Variants in HDX observed in about 807,000 individuals in gnomAD.
The protein encoded by HDX is highly divergent homeobox, also known as chromosome X open reading frame 43.
HDX carries 19 observed loss-of-function variants against 45.2 expected under a neutral mutation model. That is an observed-to-expected ratio of 0.42 (90% CI 0.29 to 0.62). The LOEUF (loss-of-function observed/expected upper bound fraction) is 0.62. Among genes scored for constraint, HDX ranks in the 20% least tolerant of loss-of-function variants. The probability of loss-of-function intolerance (pLI) is 0.20; values close to 1 mark genes in which losing one functional copy is unlikely to be tolerated. For missense variants in HDX, 532 were observed against 493.9 expected (o/e 1.08, Z -0.73); for synonymous variants, 188 against 172.8 (o/e 1.09, Z -0.69).
intron 5 of HDX, among the ~76,000 whole-genome samples, chrX:84,429,520 G>T (rs1212268656): frequency 2.7e-5 from 3 of 110,350 alleles, no homozygotes; most frequent in African/African-American, 9.8e-5. Flanking sequence ...TGTATTGAAC[G>T]TGTATCCTGT....
At chrX:84,432,743 T>C (rs752784239) in intron 5 of HDX, among the ~76,000 whole-genome samples, 215 of 111,477 alleles carry the variant, frequency 1.9e-3, no homozygotes, top group Non-Finnish European at 2.8e-3. Context: ...TGGGGTTCTT[T>C]AGGTATAGAA....
In HDX at chrX:84,320,666, A is replaced by G. The variant is rs903650751; in HGVS notation, c.*1223T>C. On this transcript the variant is annotated 3_prime_UTR_variant, in exon 11 of 11. Coordinates refer to ENST00000373177, the MANE Select transcript of HDX (RefSeq NM_001177479.2). ...CACAATTGCACACTGCCAAGTCACA[A>G]ATATATGACACTGTGGGCTTAGGGA... 17 of 110,900 alleles carry G rather than the reference A, an allele frequency of 1.5e-4. No individual in the cohort carries two copies. Among genetic ancestry groups the G allele is most frequent in the African/African-American group, 5.5e-4 (17 of 30,720 alleles). 9.1% of individuals were successfully genotyped at this position (110,900 alleles called of 1,213,427 possible). A position where few individuals can be genotyped will look rare whatever the true frequency, so the allele number is the denominator to read the frequency against.
At chrX:84,357,835 T>A (rs2037523376) in intron 6 of HDX, among the ~76,000 whole-genome samples, 1 of 112,434 alleles carries the variant, frequency 8.9e-6, no homozygotes, top group Admixed American at 9.4e-5. Flanking sequence ...ATGTGACTAA[T>A]CTTTAGCCAA....
chrX:84,407,285 C>A (rs770603921), intron 5 of HDX, among the ~76,000 whole-genome samples: 83 of 111,418 alleles, frequency 7.4e-4, no homozygotes, highest in Non-Finnish European at 1.3e-3. Context: ...GTATTAAGCT[C>A]CAATTTATAA....
chrX:84,467,653 AAAGAT>A (rs1249185525), intron 4 of HDX, among the ~76,000 whole-genome samples: 3 of 109,553 alleles, frequency 2.7e-5, no homozygotes, highest in Admixed American at 9.8e-5. Flanking sequence ...AAAGAAAAGA[AAAGAT>A]AAGAAGTTCT....
intron 6 of HDX, among the ~76,000 whole-genome samples, chrX:84,356,118 C>T (rs954336338): frequency 9.0e-6 from 1 of 110,554 alleles, no homozygotes; most frequent in Admixed American, 9.6e-5. Context: ...CAAATTATAC[C>T]GTAAGTAATG....
chrX:84,411,334 T>C (rs1436466580), intron 5 of HDX, among the ~76,000 whole-genome samples: 1 of 111,710 alleles, frequency 9.0e-6, no homozygotes, highest in Non-Finnish European at 1.9e-5. Context: ...GCTTTAGCTG[T>C]GACCCAGGAA....
chrX:84,420,113 TA>T (rs780082899), intron 5 of HDX, among the ~76,000 whole-genome samples: 1 of 111,727 alleles, frequency 9.0e-6, no homozygotes, highest in South Asian at 3.7e-4. Context: ...CATCTTTCAA[TA>T]CCACCCAGGA....
At chrX:84,490,612 A>T (rs1357268766) in intron 1 of HDX, among the ~76,000 whole-genome samples, 1 of 110,677 alleles carries the variant, frequency 9.0e-6, no homozygotes, top group Non-Finnish European at 1.9e-5. Flanking sequence ...CGGTGTGATG[A>T]TTTCCTTTAA....
chrX:84,396,651 A>C (rs1341242946), intron 5 of HDX, among the ~76,000 whole-genome samples: 1 of 111,877 alleles, frequency 8.9e-6, no homozygotes, highest in East Asian at 2.8e-4. Flanking sequence ...TGAGCAGTAA[A>C]TGCTAGTGTT....
At chrX:84,407,255 C>G (rs1012354954) in intron 5 of HDX, among the ~76,000 whole-genome samples, 2 of 111,133 alleles carry the variant, frequency 1.8e-5, no homozygotes, top group Non-Finnish European at 3.8e-5. Context: ...TGTTCCCTTT[C>G]ATGTGTCCAT....
chrX:84,417,482 C>T (rs780304321), intron 5 of HDX, among the ~76,000 whole-genome samples: 19 of 112,213 alleles, frequency 1.7e-4, no homozygotes, highest in Non-Finnish European at 3.2e-4. Flanking sequence ...ACTGTGACTC[C>T]TCACTGGGAG....
intron 7 of HDX, among the ~76,000 whole-genome samples, chrX:84,338,892 C>T (rs1285874448): frequency 9.0e-6 from 1 of 111,120 alleles, no homozygotes; most frequent in Admixed American, 9.6e-5. Flanking sequence ...CCCCATCCCT[C>T]TTCTTCCTGT....
chrX:84,350,776 G>T (rs2037330658), intron 6 of HDX, among the ~76,000 whole-genome samples: 1 of 111,451 alleles, frequency 9.0e-6, no homozygotes, highest in Non-Finnish European at 1.9e-5. Context: ...AATCCAATTT[G>T]CAAATTTCTG....
At chrX:84,360,494 G>A (rs2037594885) in intron 6 of HDX, among the ~76,000 whole-genome samples, 1 of 111,262 alleles carries the variant, frequency 9.0e-6, no homozygotes, top group African/African-American at 3.3e-5. Flanking sequence ...ACAGTGCTGT[G>A]CACCAGTCAC....
At chrX:84,475,118 G>A (rs944564655) in intron 3 of HDX, 133 bp downstream of exon 3, 11 of 477,543 alleles carry the variant, frequency 2.3e-5, no homozygotes, top group Non-Finnish European at 3.9e-5. Context: ...TTTTAAAATA[G>A]TATTGTTATA....
intron 5 of HDX, among the ~76,000 whole-genome samples, chrX:84,401,842 G>A (rs764448291): frequency 9.8e-5 from 11 of 112,377 alleles, no homozygotes; most frequent in Non-Finnish European, 1.9e-4. Flanking sequence ...AAAATAAAAT[G>A]TGGTACATAT....
At position 84,468,921 on chromosome X, in the gene HDX, A is replaced by G. The variant is rs778838792; in HGVS notation, c.802T>C (p.Leu268=). 4 of 1,211,632 alleles carry G rather than the reference A, an allele frequency of 3.3e-6. No homozygotes were observed. The highest frequency in any genetic ancestry group is 3.4e-6 in the Non-Finnish European group (3 of 895,354). The change falls in exon 4 of 11, where the codon TTG becomes CTG. Residue 268 remains leucine, a synonymous_variant. Transcript: ENST00000373177. Reference sequence around the variant, plus strand: ...CTCTGGGGGTAATCGCTAACTGCCAATGAAAACACTTCACGGATTTCCAAG... The same window carrying G: ...CTCTGGGGGTAATCGCTAACTGCCAGTGAAAACACTTCACGGATTTCCAAG... ...QNLEIREVFS[L]AVSDYPQRIL...
chrX:84,412,797 C>A (rs1190432428), intron 5 of HDX, among the ~76,000 whole-genome samples: 2 of 111,493 alleles, frequency 1.8e-5, no homozygotes, highest in African/African-American at 6.5e-5. Context: ...CCCTTTTTTG[C>A]AAGGATGTTA....
Sources: gnomAD v4.1 joint callset for allele counts (sites outside exome capture counted in the v4.1 genomes callset) on GRCh38, gnomAD v4.1.1 for gene constraint, MANE v1.5 for transcripts, NCBI Gene and HGNC (gene_info 2026-07-23, HGNC 2026-07-21) for gene names.